The following A1CF variants were observed in gnomAD, a reference collection of about 807,000 sequenced individuals.
A1CF encodes the protein APOBEC1 complementation factor, also known as APOBEC-1 stimulating protein.
A1CF carries 48 observed loss-of-function variants against 68.9 expected under a neutral mutation model. The observed-to-expected ratio is 0.70, with a 90% CI of 0.55 to 0.89. The LOEUF is 0.89. Among genes scored for constraint, A1CF ranks in the 40% least tolerant of loss-of-function variants. A1CF has a pLI of 0.00. For synonymous variants in A1CF, 272 were observed against 260.4 expected (o/e 1.04, Z -0.43); for missense variants, 653 against 718.9 (o/e 0.91, Z 1.05).
At chr10:50,832,079 A>G (rs541816444) in intron 6 of A1CF, among the ~76,000 whole-genome samples, 3 of 152,212 alleles carry the variant, frequency 2.0e-5, no homozygotes, top group Admixed American at 6.5e-5. Context: ...ATTCACCCCA[A>G]ATGAAATCAT....
chr10:50,815,980 C>T (rs774585241), intron 9 of A1CF, 26 bp downstream of exon 9: 9 of 1,609,164 alleles, frequency 5.6e-6, no homozygotes, highest in Non-Finnish European at 7.6e-6. Flanking sequence ...TGGGATTACT[C>T]TAAAGCAAGA....
intron 3 of A1CF, among the ~76,000 whole-genome samples, chr10:50,851,547 G>C (rs1840240509): frequency 6.6e-6 from 1 of 152,076 alleles, no homozygotes; most frequent in Non-Finnish European, 1.5e-5. Flanking sequence ...TCCCATAAAT[G>C]GTCGGTGATT....
intron 6 of A1CF, among the ~76,000 whole-genome samples, chr10:50,829,172 G>C (rs918605400): frequency 2.0e-5 from 3 of 152,030 alleles, no homozygotes; most frequent in African/African-American, 7.2e-5. Context: ...CTTTAGAGAG[G>C]ATAACTTTCC....
chr10:50,881,854 T>G (rs1237545156), intron 1 of A1CF, among the ~76,000 whole-genome samples: 1 of 152,218 alleles, frequency 6.6e-6, no homozygotes, highest in Non-Finnish European at 1.5e-5. Flanking sequence ...TCTCTCTTAA[T>G]ATTACCAGGG....
rs1264153708 is a variant in A1CF at position 50,836,111 on chromosome 10, A to G, written c.567T>C (p.His189=). ...RGFAFVEYES[H]RAAAMARRKL... ...TCCTCCTCGCCATGGCAGCTGCTCGATGACTCTCATACTCCACGAAGGCAA... is the reference window on the plus strand; with the variant it reads ...TCCTCCTCGCCATGGCAGCTGCTCGGTGACTCTCATACTCCACGAAGGCAA... The change falls in exon 6 of 13, where the codon CAT becomes CAC. Residue 189 remains histidine, a synonymous_variant. Coordinates refer to ENST00000373997, the MANE Select transcript of A1CF (RefSeq NM_014576.4). 1 of 1,612,954 alleles carries G rather than the reference A, an allele frequency of 6.2e-7. No homozygotes were observed. Among genetic ancestry groups the G allele is most frequent in the South Asian group, 1.1e-5 (1 of 90,868 alleles).
At chr10:50,835,004 G>A (rs1032703882) in intron 6 of A1CF, among the ~76,000 whole-genome samples, 8 of 152,192 alleles carry the variant, frequency 5.3e-5, no homozygotes, top group African/African-American at 1.7e-4. Flanking sequence ...GAGTCTTAGT[G>A]AGTCTATCTA....
chr10:50,846,143 CA>C (rs1282355226), intron 3 of A1CF, among the ~76,000 whole-genome samples: 2 of 152,080 alleles, frequency 1.3e-5, no homozygotes, highest in African/African-American at 4.8e-5. Context: ...CATGATGCCA[CA>C]AGTAGAAAAT....
chr10:50,828,620 G>C (rs1057326006), intron 6 of A1CF, among the ~76,000 whole-genome samples: 1 of 152,190 alleles, frequency 6.6e-6, no homozygotes, highest in Non-Finnish European at 1.5e-5. Context: ...GTCACTTAAG[G>C]TAAGATAGCA....
At chr10:50,811,771 C>T (rs906456235) in intron 10 of A1CF, among the ~76,000 whole-genome samples, 2 of 152,042 alleles carry the variant, frequency 1.3e-5, no homozygotes, top group East Asian at 1.9e-4. Flanking sequence ...TGTTTTTTTG[C>T]TTAATGACAA....
chr10:50,820,017 A>T (rs1189043594), intron 8 of A1CF, among the ~76,000 whole-genome samples: 3 of 152,152 alleles, frequency 2.0e-5, no homozygotes, highest in African/African-American at 7.2e-5. Context: ...AAGGTTTTAA[A>T]TGTTTATTGG....
chr10:50,871,101 A>T (rs1456825239), intron 1 of A1CF, among the ~76,000 whole-genome samples: 2 of 151,786 alleles, frequency 1.3e-5, no homozygotes, highest in Non-Finnish European at 3.0e-5. Context: ...GATAAAGAGC[A>T]TCTCTCAGAA....
intron 4 of A1CF, 40 bp downstream of exon 4, chr10:50,843,948 T>C (rs1002551989): frequency 1.9e-6 from 3 of 1,610,638 alleles, no homozygotes; most frequent in Non-Finnish European, 1.7e-6. Context: ...TATTTTTCCC[T>C]TGAACGATAA....
intron 8 of A1CF, 131 bp from the exon 9 acceptor site, chr10:50,816,410 T>C: frequency 9.1e-7 from 1 of 1,099,088 alleles, no homozygotes; most frequent in Non-Finnish European, 1.3e-6. Flanking sequence ...TATCTTGTCA[T>C]TTTATAGGTT....
chr10:50,808,842 G>A (rs948187285), intron 12 of A1CF, among the ~76,000 whole-genome samples: 1 of 151,906 alleles, frequency 6.6e-6, no homozygotes, highest in African/African-American at 2.4e-5. Flanking sequence ...GTGGGTGTGA[G>A]GAATATAAAA....
Position 50,804,790 on chromosome 10 carries a change from GATAGAGT to G in A1CF, c.*1932_*1938del, listed in dbSNP as rs1837746261. On this transcript the variant is annotated 3_prime_UTR_variant, in exon 13 of 13. Coordinates refer to ENST00000373997, the MANE Select transcript of A1CF (RefSeq NM_014576.4). ...AAATAAAAAGGAAAAGAAATAAAGA[GATAGAGT>G]ATAAATACAAGAATATAGCAATTCC... The G allele has an allele frequency of 6.6e-6, 1 of 152,132 alleles. No homozygotes were observed. The highest frequency in any genetic ancestry group is 2.1e-4 in the South Asian group (1 of 4,828). 9.4% of individuals were successfully genotyped at this position (152,132 alleles called of 1,614,324 possible).
chr10:50,854,434 A>G (rs1589024302), intron 3 of A1CF, among the ~76,000 whole-genome samples: 1 of 151,996 alleles, frequency 6.6e-6, no homozygotes, highest in South Asian at 2.1e-4. Context: ...TTAATATTAC[A>G]TTGGATATTT....
In A1CF at chr10:50,816,021, C is replaced by A. The variant is rs1013815517; in HGVS notation, c.1126G>T (p.Ala376Ser). 6.2e-7 allele frequency: 1 copy of A among 1,613,584 alleles called. No individual in the cohort carries two copies. The highest frequency in any genetic ancestry group is 8.5e-7 in the Non-Finnish European group (1 of 1,179,694). Residue 376 changes from alanine (A) to serine (S), a missense_variant, in exon 9 of 13, where the codon GCC becomes TCC. Coordinates refer to ENST00000373997, the MANE Select transcript of A1CF (RefSeq NM_014576.4). Reference sequence around the variant, plus strand: ...CTGGTGTTACCTCTAACAGAAGGGGCTCGGATAATGGCTCTGTTGCTGAGA... The same window carrying A: ...CTGGTGTTACCTCTAACAGAAGGGGATCGGATAATGGCTCTGTTGCTGAGA... ...GHLSNRAIIR[A>S]PSVRGAAGVR...
chr10:50,878,808 T>G (rs969533110), intron 1 of A1CF, among the ~76,000 whole-genome samples: 4 of 152,204 alleles, frequency 2.6e-5, no homozygotes, highest in African/African-American at 9.7e-5. Flanking sequence ...TATCTGTGAT[T>G]TAATGAGAAA....
intron 12 of A1CF, among the ~76,000 whole-genome samples, chr10:50,809,103 T>C (rs2132308523): frequency 6.6e-6 from 1 of 152,194 alleles, no homozygotes; most frequent in Middle Eastern, 3.4e-3. Flanking sequence ...AAGGATTCAG[T>C]TTTAATTATT....
Sources: allele counts gnomAD v4.1 joint callset (sites outside exome capture counted in the v4.1 genomes callset), GRCh38; gene constraint gnomAD v4.1.1; transcripts MANE v1.5; gene names NCBI Gene and HGNC (gene_info 2026-07-23, HGNC 2026-07-21).